Variants in LY6H observed in about 807,000 individuals in gnomAD.
LY6H encodes lymphocyte antigen 6 family member H, also known as lymphocyte antigen 6H.
In LY6H, 8 loss-of-function variants were observed where a neutral mutation model predicts 14.6. That is an observed-to-expected ratio of 0.55 (90% CI 0.32 to 0.99). The LOEUF is 0.99. LY6H is among the 50% of genes least tolerant of loss of function. LY6H has a pLI of 0.04. For missense variants in LY6H, 196 were observed against 219.6 expected (o/e 0.89, Z 0.68); for synonymous variants, 115 against 97.2 (o/e 1.18, Z -1.08).
chr8:143,159,958 G>T, intron 1 of LY6H: 1 of 1,238,722 alleles, frequency 8.1e-7, no homozygotes. Flanking sequence ...GCGGATGGGG[G>T]GCGTCCTCTT....
Position 143,158,416 on chromosome 8 carries a change from G to A in LY6H, c.320C>T (p.Ser107Leu). Reference protein sequence around the residue: ...SCDFVKRHFFSDYLMGFINSG... With the variant: ...SCDFVKRHFFLDYLMGFINSG... ...GTTAATAAACCCCATCAGATAGTCT[G>A]AGAAAAAGTGTCGCTTAACGAAGTC... The change falls in exon 4 of 4, where the codon TCA becomes TTA. Residue 107 changes from serine (S) to leucine (L), a missense_variant. Transcript: ENST00000342752. The A allele has an allele frequency of 6.2e-7, 1 of 1,613,966 alleles. No homozygotes were observed. Among genetic ancestry groups the A allele is most frequent in the Non-Finnish European group, 8.5e-7 (1 of 1,179,966 alleles).
chr8:143,160,082 G>A, intron 1 of LY6H, 116 bp downstream of exon 1: 1 of 961,350 alleles, frequency 1.0e-6, no homozygotes, highest in Non-Finnish European at 1.3e-6. Context: ...CCACCCCTGG[G>A]CTGGGGGGCC....
chr8:143,159,493 G>A, intron 2 of LY6H, 89 bp downstream of exon 2: 3 of 1,377,188 alleles, frequency 2.2e-6, no homozygotes, highest in Non-Finnish European at 2.8e-6. Context: ...GGTGGGAACC[G>A]TCAGAGGGTG....
In LY6H at chr8:143,158,600, C is replaced by T. The variant is rs998588216; in HGVS notation, c.251-115G>A. The T allele has an allele frequency of 7.7e-5, 89 of 1,153,890 alleles. No homozygotes were observed. In the East Asian group the frequency reaches 1.7e-3, roughly 22 times the overall value. 71.5% of individuals were successfully genotyped at this position (1,153,890 alleles called of 1,614,324 possible). A position where few individuals can be genotyped will look rare whatever the true frequency, so the allele number is the denominator to read the frequency against. On this transcript the variant is annotated intron_variant, in intron 3 of 3. Coordinates refer to ENST00000342752, the MANE Select transcript of LY6H (RefSeq NM_001135655.2). ...AGCTCGGGGCCCCAGTAGGCAGGGC[C>T]GAGTCCCTCCACCCTCCCACGCTGG...
At chr8:143,159,555 G>T in intron 2 of LY6H, 27 bp downstream of exon 2, 2 of 1,491,580 alleles carry the variant, frequency 1.3e-6, no homozygotes, top group South Asian at 2.5e-5. Flanking sequence ...CCAGGCACCT[G>T]ACCCAGCCCG....
intron 1 of LY6H, 161 bp downstream of exon 1, chr8:143,160,037 C>A (rs964759931): frequency 4.7e-6 from 5 of 1,070,332 alleles, no homozygotes; most frequent in Middle Eastern, 3.4e-4. Flanking sequence ...TGGGACCTGC[C>A]ACTGGGGGGA....
In LY6H at chr8:143,158,885, G is replaced by C; in HGVS notation, c.168C>G (p.Thr56=). The C allele has an allele frequency of 6.2e-7, 1 of 1,613,396 alleles. No individual in the cohort carries two copies. Among genetic ancestry groups the C allele is most frequent in the South Asian group, 1.1e-5 (1 of 91,048 alleles). ...GCTTTGGGGTGCAATGGCTGGAGTT[G>C]GTGGTCAGGGTGCAGTCCTGGCACC... ...GLWCQDCTLT[T]NSSHCTPKQC... Residue 56 remains threonine (T), a synonymous_variant, in exon 3 of 4, where the codon ACC becomes ACG. Coordinates refer to ENST00000342752, the MANE Select transcript of LY6H (RefSeq NM_001135655.2).
At chr8:143,159,420 G>C in intron 2 of LY6H, 162 bp downstream of exon 2, 1 of 776,006 alleles carries the variant, frequency 1.3e-6, no homozygotes, top group Non-Finnish European at 1.9e-6. Context: ...CGGGGCAGAG[G>C]GGCCGAGGGC....
upstream of LY6H, chr8:143,160,620 G>A (rs1815577666): frequency 6.6e-6 from 1 of 152,064 alleles, no homozygotes; most frequent in Non-Finnish European, 1.5e-5. Context: ...AACGTTTACT[G>A]CGAAAGGAAG....
rs1815494412 is a variant in LY6H, at chr8:143,158,195, G to A, written c.*55C>T. The A allele has an allele frequency of 2.3e-6, 3 of 1,328,294 alleles. No homozygotes were observed. The highest frequency in any genetic ancestry group is 3.0e-5 in the African/African-American group (2 of 67,738). 82.3% of individuals were successfully genotyped at this position (1,328,294 alleles called of 1,614,324 possible). A position where few individuals can be genotyped will look rare whatever the true frequency, so the allele number is the denominator to read the frequency against. Reference sequence around the variant, plus strand: ...CCCAGCCACGCCAGGCTGGGGAGAGGGCAGCCACAGGCTCAGGGGAGCAAG... The same window carrying A: ...CCCAGCCACGCCAGGCTGGGGAGAGAGCAGCCACAGGCTCAGGGGAGCAAG... On this transcript the variant is annotated 3_prime_UTR_variant, in exon 4 of 4. Coordinates refer to ENST00000342752, the MANE Select transcript of LY6H (RefSeq NM_001135655.2).
intron 2 of LY6H, 99 bp downstream of exon 2, chr8:143,159,483 G>T (rs1317369868): frequency 1.5e-6 from 2 of 1,337,456 alleles, no homozygotes; most frequent in East Asian, 3.0e-5. Flanking sequence ...TGCGAAGTGC[G>T]GTGGGAACCG....
chr8:143,159,286 A>C, intron 2 of LY6H: 1 of 536,756 alleles, frequency 1.9e-6, no homozygotes, highest in Non-Finnish European at 3.3e-6. Context: ...TGAAGGACCA[A>C]ACTGGATTTG....
Position 143,158,834 on chromosome 8 carries a change from A to G in LY6H, c.219T>C (p.Cys73=). The change falls in exon 3 of 4, where the codon TGT becomes TGC. Residue 73 remains cysteine (C), a synonymous_variant. Coordinates refer to ENST00000342752, the MANE Select transcript of LY6H (RefSeq NM_001135655.2). ...TGGGATCGGTGATTCGGACACTGGC[A>G]CACACCGTGTCGGACGGCTGGCACT... ...PKQCQPSDTV[C]ASVRITDPSS... 1 of 1,604,356 alleles carries G rather than the reference A, an allele frequency of 6.2e-7. No individual in the cohort carries two copies. Among genetic ancestry groups the G allele is most frequent in the Admixed American group, 1.7e-5 (1 of 59,708 alleles).
At position 143,158,483 on chromosome 8, in the gene LY6H, T is replaced by C. The variant is rs1351157864; in HGVS notation, c.253A>G (p.Arg85Gly). 6.2e-7 allele frequency: 1 copy of C among 1,610,538 alleles called. No homozygotes were observed. Among genetic ancestry groups the C allele is most frequent in the Non-Finnish European group, 8.5e-7 (1 of 1,176,942 alleles). ...SVRITDPSSS[R>G]KDHSVNKMCA... is the part of the protein sequence containing the mutation. ...ATCTTGTTCACCGAGTGATCCTTCC[T>C]GCCTGGGAAGAGAAAGCGTGGCCTG... The change falls in exon 4 of 4, where the codon AGG (arginine) becomes GGG (glycine). Residue 85 changes from arginine to glycine, a missense_variant and splice_region_variant. Transcript: ENST00000342752.
intron 2 of LY6H, 46 bp downstream of exon 2, chr8:143,159,536 C>T (rs1160859793): frequency 2.1e-6 from 3 of 1,455,446 alleles, no homozygotes; most frequent in Non-Finnish European, 2.7e-6. Context: ...CGCGGCGCCT[C>T]GGGCTCTCCC....
At chr8:143,159,947 A>C in intron 1 of LY6H, 1 of 1,237,690 alleles carries the variant, frequency 8.1e-7, no homozygotes. Flanking sequence ...TGTGTGGGGG[A>C]GCGGATGGGG....
upstream of LY6H, chr8:143,160,412 C>G (rs1343281387): frequency 6.6e-6 from 1 of 152,456 alleles, no homozygotes; most frequent in South Asian, 1.9e-4. Context: ...GGGGGGCGCC[C>G]GGGGCTCGCG....
In LY6H at chr8:143,158,580, G is replaced by C. The variant is rs904292068; in HGVS notation, c.251-95C>G. Reference sequence around the variant, plus strand: ...AGCCCAGGCCCCTCCGGGTCAGCTCGGGGCCCCAGTAGGCAGGGCCGAGTC... The same window carrying C: ...AGCCCAGGCCCCTCCGGGTCAGCTCCGGGCCCCAGTAGGCAGGGCCGAGTC... On this transcript the variant is annotated intron_variant, in intron 3 of 3. Transcript: ENST00000342752. 5.5e-6 allele frequency: 7 copies of C among 1,279,162 alleles called. 1 individual carries two copies. In the African/African-American group the frequency reaches 1.0e-4, roughly 19 times the overall value. The allele number at this position is 1,279,162 out of a possible 1,614,324, so 79.2% of individuals were successfully genotyped here. A position where few individuals can be genotyped will look rare whatever the true frequency, so the allele number is the denominator to read the frequency against.
upstream of LY6H, chr8:143,160,369 G>C (rs1293553587): frequency 3.4e-6 from 1 of 292,130 alleles, no homozygotes. Flanking sequence ...GGGGCCGCGC[G>C]GGGGGCGGGG....
Sources: allele counts gnomAD v4.1 joint callset, GRCh38; gene constraint gnomAD v4.1.1; transcripts MANE v1.5; gene names NCBI Gene and HGNC (gene_info 2026-07-23, HGNC 2026-07-21).